The following C21orf58 variants were observed in gnomAD, a reference collection of about 807,000 sequenced individuals.
C21orf58 encodes chromosome 21 open reading frame 58.
In C21orf58, 34 loss-of-function variants were observed where a neutral mutation model predicts 35.8. The observed-to-expected ratio is 0.95, with a 90% CI of 0.72 to 1.26. C21orf58 has a LOEUF of 1.26. Among genes scored for constraint, C21orf58 ranks in the 50% most tolerant of loss-of-function variants. The pLI is 0.00. For synonymous variants in C21orf58, 191 were observed against 175.8 expected (o/e 1.09, Z -0.68); for missense variants, 440 against 414.3 (o/e 1.06, Z -0.54).
At chr21:46,320,801 G>A (rs2083130127) in intron 1 of C21orf58, 2 of 152,102 alleles carry the variant, frequency 1.3e-5, no homozygotes, top group African/African-American at 4.8e-5. Context: ...CGTTGAACTG[G>A]TTAACTTTTT....
rs550859048 is a variant in C21orf58 at position 46,316,989 on chromosome 21, G to A, written c.370+219C>T. ...TCATCTGCAAAATGGGAACAATGAA[G>A]GTGCCCCTTTTTGGGGTTTGCAGAC... On this transcript the variant is annotated intron_variant, in intron 3 of 7. Coordinates refer to ENST00000291691, the MANE Select transcript of C21orf58 (RefSeq NM_058180.5). Among the ~76,000 whole-genome samples, 7 of 152,350 alleles carry A rather than the reference G, an allele frequency of 4.6e-5. No individual in the cohort carries two copies. In the South Asian group the frequency reaches 1.4e-3, roughly 32 times the overall value.
At chr21:46,311,682 CCCAT>C (rs2082700933) in intron 5 of C21orf58, 115 bp from the exon 6 acceptor site, 1 of 513,550 alleles carries the variant, frequency 1.9e-6, no homozygotes, top group Non-Finnish European at 3.4e-6. Flanking sequence ...CAACCATCCA[CCCAT>C]CCATCCAACC....
chr21:46,314,905 G>C, intron 4 of C21orf58, 25 bp from the exon 5 acceptor site: 3 of 1,550,406 alleles, frequency 1.9e-6, no homozygotes, highest in Non-Finnish European at 2.6e-6. Flanking sequence ...CAGAGCTGCT[G>C]CACACGGGGA....
rs2083054383 is a variant in C21orf58 at position 46,318,398 on chromosome 21, T to G, written c.101-178A>C. ...CTACCGGTAAACACTCATCCCCAGGTGTGGCCAGCTGGGCTTCATGGGAAG... is the reference window on the plus strand; with the variant it reads ...CTACCGGTAAACACTCATCCCCAGGGGTGGCCAGCTGGGCTTCATGGGAAG... On this transcript the variant is annotated intron_variant, in intron 1 of 7. Coordinates refer to ENST00000291691, the MANE Select transcript of C21orf58 (RefSeq NM_058180.5). 10 of 1,433,682 alleles carry G rather than the reference T, an allele frequency of 7.0e-6. No individual in the cohort carries two copies. The South Asian group carries it at 1.3e-4, about 19-fold the overall frequency. 88.8% of individuals were successfully genotyped at this position (1,433,682 alleles called of 1,614,324 possible).
chr21:46,308,855 G>C (rs1312626831), intron 6 of C21orf58, among the ~76,000 whole-genome samples: 1 of 152,152 alleles, frequency 6.6e-6, no homozygotes, highest in Non-Finnish European at 1.5e-5. Flanking sequence ...TTTATAATAA[G>C]AGGAAGAGTG....
At position 46,318,030 on chromosome 21, in the gene C21orf58, C is replaced by T. The variant is rs751371612; in HGVS notation, c.291G>A (p.Thr97=). 6.8e-6 allele frequency: 11 copies of T among 1,613,288 alleles called. 1 individual carries two copies. The East Asian group carries it at 1.1e-4, about 16-fold the overall frequency. The stretch of plus-strand genomic sequence containing the variant: ...GCCTCACCTGTCCCAAGAGCTTCAG[C>T]GTCAGTCGGGTCACTTGCTCTGCTG... The part of the protein sequence containing the change: ...SSAAEQVTRL[T]LKLLGQKLEQ... Residue 97 remains threonine (T), a synonymous_variant, in exon 2 of 8, where the codon ACG becomes ACA. Transcript: ENST00000291691.
At chr21:46,321,719 C>T (rs1374343485) in intron 1 of C21orf58, among the ~76,000 whole-genome samples, 1 of 152,192 alleles carries the variant, frequency 6.6e-6, no homozygotes, top group Non-Finnish European at 1.5e-5. Flanking sequence ...AACTGTGAGG[C>T]TGACCTGCGT....
rs376835131 is a variant in C21orf58, at chr21:46,302,012, G to C, written c.956C>G (p.Pro319Arg). ...VLQPAPSLWT[P>R]GPP ...TGTGACTCACACTCAGGGTGGGCCA[G>C]GCGTCCACAGGCTGGGGGCGGGCTG... The change falls in exon 8 of 8, where the codon CCT becomes CGT. Residue 319 changes from proline (P) to arginine (R), a missense_variant. By Grantham distance (103) the Pro-to-Arg change is moderately radical. Coordinates refer to ENST00000291691, the MANE Select transcript of C21orf58 (RefSeq NM_058180.5). The C allele has an allele frequency of 1.6e-5, 24 of 1,532,434 alleles. No individual in the cohort carries two copies. In the African/African-American group the frequency reaches 2.5e-4, roughly 16 times the overall value. 94.9% of individuals were successfully genotyped at this position (1,532,434 alleles called of 1,614,324 possible).
At chr21:46,303,708 AATATATATAT>A (rs1356861977) in intron 6 of C21orf58, among the ~76,000 whole-genome samples, 10 of 37,272 alleles carry the variant, frequency 2.7e-4, no homozygotes, top group Admixed American at 4.7e-4. Flanking sequence ...ACACACACAA[AATATATATAT>A]ATATATATAT....
rs2082108419 is a variant in C21orf58 at position 46,301,539 on chromosome 21, A to G, written c.*460T>C. 1 of 987,420 alleles carries G rather than the reference A, an allele frequency of 1.0e-6. No individual in the cohort carries two copies. The allele number at this position is 987,420 out of a possible 1,614,324, so 61.2% of individuals were successfully genotyped here. ...GTATTTTCCCCATCAGGATGTTCAC[A>G]CTTCCATGTGGCTAAAGCTATTGAT... On this transcript the variant is annotated 3_prime_UTR_variant, in exon 8 of 8. Transcript: ENST00000291691.
At chr21:46,321,193 G>T (rs989453399) in intron 1 of C21orf58, among the ~76,000 whole-genome samples, 7 of 152,008 alleles carry the variant, frequency 4.6e-5, no homozygotes, top group Admixed American at 4.6e-4. Flanking sequence ...TTTTGAGACA[G>T]AGTCTCGCTG....
At chr21:46,302,362 G>T in intron 7 of C21orf58, 123 bp downstream of exon 7, 1 of 1,084,554 alleles carries the variant, frequency 9.2e-7, no homozygotes, top group Non-Finnish European at 1.3e-6. Flanking sequence ...GGGCTTCACA[G>T]CCAGACTGTA....
At position 46,301,196 on chromosome 21, in the gene C21orf58, C is replaced by T. The variant is rs1455885034; in HGVS notation, c.*803G>A. ...CTGCTCTGTGGTCCAGGCTATAGTG[C>T]AGTGGTTCCATCAGAGCTCACTGCA... On this transcript the variant is annotated 3_prime_UTR_variant, in exon 8 of 8. Transcript: ENST00000291691. 7.2e-6 allele frequency: 4 copies of T among 557,776 alleles called. No individual in the cohort carries two copies. Among genetic ancestry groups the T allele is most frequent in the Non-Finnish European group, 9.1e-6 (4 of 438,604 alleles). 34.6% of individuals were successfully genotyped at this position (557,776 alleles called of 1,614,324 possible).
At chr21:46,305,541 G>A (rs1357588003) in intron 6 of C21orf58, among the ~76,000 whole-genome samples, 1 of 151,946 alleles carries the variant, frequency 6.6e-6, no homozygotes, top group Non-Finnish European at 1.5e-5. Context: ...TGTTGCCCAG[G>A]CTGGTCTTGA....
Position 46,318,079 on chromosome 21 carries a change from G to C in C21orf58, c.242C>G (p.Ala81Gly). The change falls in exon 2 of 8, where the codon GCT becomes GGT. Residue 81 changes from alanine (A) to glycine (G), a missense_variant. Coordinates refer to ENST00000291691, the MANE Select transcript of C21orf58 (RefSeq NM_058180.5). ...TGCTGATGAGTCCAGCATGGTGGGA[G>C]CTGCAGGAGACGACTGTAGGGGCAG... ...PPLPLQSSPA[A>G]PTMLDSSAAE... 6.2e-7 allele frequency: 1 copy of C among 1,613,412 alleles called. No homozygotes were observed. The highest frequency in any genetic ancestry group is 8.5e-7 in the Non-Finnish European group (1 of 1,180,008).
chr21:46,304,663 G>A (rs1294387648), intron 6 of C21orf58, among the ~76,000 whole-genome samples: 1 of 152,230 alleles, frequency 6.6e-6, no homozygotes, highest in Non-Finnish European at 1.5e-5. Flanking sequence ...TCTCATTCAT[G>A]TATGTGGAGT....
In C21orf58 at chr21:46,323,702, G is replaced by A. The variant is rs2083253677; in HGVS notation, c.-964C>T. 5.4e-6 allele frequency: 1 copy of A among 184,246 alleles called. No individual in the cohort carries two copies. Among genetic ancestry groups the A allele is most frequent in the Non-Finnish European group, 1.1e-5 (1 of 86,958 alleles). 11.4% of individuals were successfully genotyped at this position (184,246 alleles called of 1,614,324 possible). A position where few individuals can be genotyped will look rare whatever the true frequency, so the allele number is the denominator to read the frequency against. On this transcript the variant is annotated 5_prime_UTR_variant, in exon 1 of 8. Transcript: ENST00000291691. Reference sequence around the variant, plus strand: ...TGGTAGGCCTCAACTTCCCGCGGCGGCCCACAGCCAACGACTAATGCCTGA... The same window carrying A: ...TGGTAGGCCTCAACTTCCCGCGGCGACCCACAGCCAACGACTAATGCCTGA...
At chr21:46,318,380 T>TA in intron 1 of C21orf58, 160 bp from the exon 2 acceptor site, 3 of 1,444,574 alleles carry the variant, frequency 2.1e-6, no homozygotes, top group Non-Finnish European at 2.7e-6. Flanking sequence ...AGGCTACCGG[T>TA]AAACACTCAT....
At chr21:46,303,059 G>A (rs1392794339) in intron 6 of C21orf58, among the ~76,000 whole-genome samples, 2 of 152,158 alleles carry the variant, frequency 1.3e-5, no homozygotes, top group African/African-American at 4.8e-5. Context: ...AGCTCCTTGG[G>A]AGGCTGAGGC....
Sources: gnomAD v4.1 joint callset for allele counts (sites outside exome capture counted in the v4.1 genomes callset) on GRCh38, gnomAD v4.1.1 for gene constraint, MANE v1.5 for transcripts, NCBI Gene and HGNC (gene_info 2026-07-23, HGNC 2026-07-21) for gene names.